The following STPG2 variants were observed in gnomAD, a reference collection of about 807,000 sequenced individuals.
STPG2 encodes sperm tail PG-rich repeat containing 2, also known as sperm-tail PG-rich repeat-containing protein 2.
A neutral mutation model predicts 54.2 loss-of-function variants in STPG2; 56 were observed. The observed-to-expected ratio is 1.03, with a 90% CI of 0.83 to 1.29. The LOEUF (loss-of-function observed/expected upper bound fraction) is 1.29. STPG2 is among the 50% of genes most tolerant of loss of function. The pLI, the probability that STPG2 is intolerant of heterozygous loss-of-function variation, is 0.00. For synonymous variants in STPG2, 200 were observed against 181.8 expected (o/e 1.10, Z -0.81); for missense variants, 596 against 544.9 (o/e 1.09, Z -0.93).
At chr4:97,530,933 G>A (rs1420383433) in intron 4 of STPG2, among the ~76,000 whole-genome samples, 1 of 152,160 alleles carries the variant, frequency 6.6e-6, no homozygotes, top group African/African-American at 2.4e-5. Context: ...TGGGCTAGAA[G>A]TAGCCAGAGG....
intron 9 of STPG2, among the ~76,000 whole-genome samples, chr4:97,788,000 A>T (rs931423619): frequency 1.3e-5 from 2 of 151,916 alleles, no homozygotes; most frequent in Non-Finnish European, 2.9e-5. Flanking sequence ...TTTGATGCAA[A>T]CACACAATGT....
At chr4:97,666,196 G>T (rs1722518980) in intron 10 of STPG2, among the ~76,000 whole-genome samples, 2 of 152,118 alleles carry the variant, frequency 1.3e-5, no homozygotes, top group Non-Finnish European at 2.9e-5. Context: ...AATTCAGAAG[G>T]GGTCAGAGCT....
At chr4:97,504,746 T>A (rs1446111967) in intron 4 of STPG2, among the ~76,000 whole-genome samples, 2 of 151,952 alleles carry the variant, frequency 1.3e-5, no homozygotes, top group Non-Finnish European at 2.9e-5. Flanking sequence ...ATGGGATTGT[T>A]AAAATGCACA....
At chr4:97,582,361 T>C (rs1732883747) in intron 10 of STPG2, among the ~76,000 whole-genome samples, 1 of 151,996 alleles carries the variant, frequency 6.6e-6, no homozygotes, top group South Asian at 2.1e-4. Flanking sequence ...TGATGCAATA[T>C]AAACAACACT....
intron 5 of STPG2, among the ~76,000 whole-genome samples, chr4:97,985,155 T>G (rs573345517): frequency 6.6e-6 from 1 of 152,328 alleles, no homozygotes; most frequent in Non-Finnish European, 1.5e-5. Context: ...ACTCTGAAAT[T>G]TATTATCCTA....
intron 8 of STPG2, among the ~76,000 whole-genome samples, chr4:97,873,275 G>A (rs192064134): frequency 3.4e-5 from 5 of 145,430 alleles, no homozygotes; most frequent in Non-Finnish European, 1.5e-5. Context: ...CTAATAATAA[G>A]AAACAGTTTC....
At chr4:97,970,746 A>C (rs967550246) in intron 7 of STPG2, among the ~76,000 whole-genome samples, 5 of 152,228 alleles carry the variant, frequency 3.3e-5, no homozygotes, top group Non-Finnish European at 5.9e-5. Context: ...GGACATAGGC[A>C]TGGGCAAGGA....
intron 8 of STPG2, among the ~76,000 whole-genome samples, chr4:97,909,010 TATAATAATAATA>T (rs56703020): frequency 4.9e-5 from 7 of 143,196 alleles, no homozygotes; most frequent in Middle Eastern, 7.3e-3. Context: ...AAACTTAAAG[TATAATAATAATA>T]ATAATAATAA....
chr4:97,834,828 C>T (rs917493228), intron 9 of STPG2, among the ~76,000 whole-genome samples: 3 of 152,050 alleles, frequency 2.0e-5, no homozygotes, highest in Non-Finnish European at 4.4e-5. Context: ...ACCATACCTA[C>T]ACTTTCTGAC....
At chr4:97,968,909 A>G (rs1734215883) in intron 7 of STPG2, among the ~76,000 whole-genome samples, 1 of 152,206 alleles carries the variant, frequency 6.6e-6, no homozygotes, top group Non-Finnish European at 1.5e-5. Flanking sequence ...AGAGCCTATG[A>G]ACGGATGTGC....
intron 8 of STPG2, among the ~76,000 whole-genome samples, chr4:97,893,379 T>G (rs539551546): frequency 4.0e-4 from 61 of 152,240 alleles, no homozygotes; most frequent in Admixed American, 7.2e-4. Context: ...AATATAGATT[T>G]CATTAAATAT....
At chr4:97,987,792 C>T (rs900671506) in intron 5 of STPG2, among the ~76,000 whole-genome samples, 3 of 151,860 alleles carry the variant, frequency 2.0e-5, no homozygotes, top group Admixed American at 2.0e-4. Flanking sequence ...CACTTCTCTC[C>T]ACCTCCACAA....
rs200972835 is a variant in STPG2, at chr4:97,825,115, T to TA, written c.1204+15657dup. ...GCTCTAACAGCCTGAGGCTCCTTGG[T>TA]AAAAAAAACTGAAGAGGCACCACAG... On this transcript the variant is annotated intron_variant, in intron 9 of 10. Transcript: ENST00000295268. 4.6e-3 allele frequency among the ~76,000 whole-genome samples: 697 copies of TA among 151,806 alleles called. 2 individuals carry two copies. The highest frequency in any genetic ancestry group is 0.017 in the Middle Eastern group (5 of 292).
intron 8 of STPG2, among the ~76,000 whole-genome samples, chr4:97,901,339 T>C (rs1000792200): frequency 9.2e-5 from 14 of 151,914 alleles, no homozygotes; most frequent in South Asian, 2.1e-4. Flanking sequence ...GCCAGAACAA[T>C]TGGGCAAGAA....
intron 8 of STPG2, among the ~76,000 whole-genome samples, chr4:97,890,929 G>A (rs146652025): frequency 7.7e-4 from 117 of 151,494 alleles, no homozygotes; most frequent in Middle Eastern, 3.4e-3. Flanking sequence ...CAAAATTCAC[G>A]TTTTTCATAG....
intron 4 of STPG2, among the ~76,000 whole-genome samples, chr4:97,453,704 C>T (rs1729437602): frequency 6.6e-6 from 1 of 152,150 alleles, no homozygotes; most frequent in Admixed American, 6.5e-5. Context: ...TGAAAGTTTG[C>T]CATTCTCTAA....
intron 5 of STPG2, among the ~76,000 whole-genome samples, chr4:98,007,602 A>C (rs1735614394): frequency 1.3e-5 from 2 of 152,156 alleles, no homozygotes; most frequent in African/African-American, 4.8e-5. Flanking sequence ...CTAGCAATGG[A>C]TCCTAACTGA....
chr4:97,467,234 A>C (rs1014821061), intron 4 of STPG2, among the ~76,000 whole-genome samples: 15 of 152,102 alleles, frequency 9.9e-5, no homozygotes, highest in Non-Finnish European at 2.2e-4. Context: ...TTTCATTTTC[A>C]TGGCAATCAT....
At chr4:98,125,988 A>G (rs148489933) in intron 3 of STPG2, among the ~76,000 whole-genome samples, 303 of 152,334 alleles carry the variant, frequency 2.0e-3, no homozygotes, top group African/African-American at 7.2e-3. Flanking sequence ...AATTCTTCCC[A>G]GTACAGACCA....
Sources: allele counts gnomAD v4.1 joint callset (sites outside exome capture counted in the v4.1 genomes callset), GRCh38; gene constraint gnomAD v4.1.1; transcripts MANE v1.5; gene names NCBI Gene and HGNC (gene_info 2026-07-23, HGNC 2026-07-21).